CCDC171: variants seen among roughly 807,000 people sequenced by gnomAD.
The protein encoded by CCDC171 is coiled-coil domain-containing protein 171.
In CCDC171, 177 loss-of-function variants were observed where a neutral mutation model predicts 168.2. The ratio of observed to expected loss-of-function variants is 1.05; its 90% CI spans 0.93 to 1.19. The LOEUF is 1.19. Ranked by LOEUF, CCDC171 falls within the 50% of genes most tolerant of loss-of-function variation. CCDC171 has a pLI of 0.00. For missense variants in CCDC171, 1,991 were observed against 1,539.0 expected (o/e 1.29, Z -4.91); for synonymous variants, 687 against 540.8 (o/e 1.27, Z -3.75).
At chr9:15,831,872 G>A (rs2060248052) in intron 21 of CCDC171, among the ~76,000 whole-genome samples, 1 of 151,266 alleles carries the variant, frequency 6.6e-6, no homozygotes, top group African/African-American at 2.5e-5. Flanking sequence ...ATATCAATGT[G>A]TATGACCTTT....
At chr9:15,591,692 T>C (rs1339218998) in intron 5 of CCDC171, 136 bp downstream of exon 5, 1 of 592,698 alleles carries the variant, frequency 1.7e-6, no homozygotes, top group East Asian at 3.1e-5. Context: ...TTTTTTCTTT[T>C]TTAGGGGCAT....
intron 7 of CCDC171, among the ~76,000 whole-genome samples, chr9:15,644,448 G>C (rs138340119): frequency 1.3e-5 from 2 of 152,098 alleles, no homozygotes; most frequent in Admixed American, 6.5e-5. Context: ...GTGAGGCATC[G>C]TCTCACCCGG....
chr9:16,106,804 T>C, the CCDC171 span, among the ~76,000 whole-genome samples: 8 of 152,288 alleles, frequency 5.3e-5, no homozygotes, highest in East Asian at 1.5e-3. Flanking sequence ...CTGAGGCTTT[T>C]TGGGATTAGG....
chr9:15,583,896 C>G (rs576860393), intron 4 of CCDC171, among the ~76,000 whole-genome samples: 1 of 152,050 alleles, frequency 6.6e-6, no homozygotes, highest in Admixed American at 6.6e-5. Flanking sequence ...GAGATGGAGT[C>G]TCCCTCTTTC....
intron 1 of CCDC171, among the ~76,000 whole-genome samples, chr9:16,057,663 C>G (rs879261774): frequency 6.6e-6 from 1 of 152,194 alleles, no homozygotes; most frequent in Non-Finnish European, 1.5e-5. Flanking sequence ...TCCCCAGCCC[C>G]AAAGCCCCCT....
the CCDC171 span, among the ~76,000 whole-genome samples, chr9:16,086,012 T>C: frequency 1.4e-5 from 2 of 141,538 alleles, no homozygotes; most frequent in Admixed American, 7.0e-5. Context: ...TCTTTTTCTG[T>C]TGTTTGGAAT....
At chr9:15,847,381 G>A (rs1563862106) in intron 22 of CCDC171, among the ~76,000 whole-genome samples, 1 of 151,978 alleles carries the variant, frequency 6.6e-6, no homozygotes, top group Non-Finnish European at 1.5e-5. Flanking sequence ...AATATTTTAA[G>A]TAGAAAAATA....
At chr9:15,912,822 T>G (rs1823904674) in intron 24 of CCDC171, among the ~76,000 whole-genome samples, 1 of 152,206 alleles carries the variant, frequency 6.6e-6, no homozygotes, top group African/African-American at 2.4e-5. Flanking sequence ...TTGGTTTTGT[T>G]TATGTGATGG....
At chr9:16,023,432 G>C (rs1303490341) in intron 6 of CCDC171, among the ~76,000 whole-genome samples, 1 of 152,102 alleles carries the variant, frequency 6.6e-6, no homozygotes, top group Admixed American at 6.5e-5. Flanking sequence ...TGTTAGTAGA[G>C]CAAAATGATT....
intron 7 of CCDC171, among the ~76,000 whole-genome samples, chr9:15,648,387 GT>G (rs2047219813): frequency 6.6e-6 from 1 of 152,192 alleles, no homozygotes. Flanking sequence ...AGTGTTGGAA[GT>G]TCTGGCCAGG....
At chr9:15,591,313 C>T in intron 4 of CCDC171, 53 bp from the exon 5 acceptor site, 2 of 1,151,750 alleles carry the variant, frequency 1.7e-6, no homozygotes, top group Non-Finnish European at 2.5e-6. Flanking sequence ...TTTTGGGGCT[C>T]CTTGTTATTT....
intron 11 of CCDC171, among the ~76,000 whole-genome samples, chr9:15,699,766 C>T (rs1258278598): frequency 6.6e-6 from 1 of 152,050 alleles, no homozygotes; most frequent in African/African-American, 2.4e-5. Flanking sequence ...AATCCCTGAG[C>T]TAGACATAAA....
At chr9:15,559,148 T>C (rs2039060145) in intron 1 of CCDC171, among the ~76,000 whole-genome samples, 1 of 152,146 alleles carries the variant, frequency 6.6e-6, no homozygotes, top group Non-Finnish European at 1.5e-5. Flanking sequence ...GTGCTTTACT[T>C]CCAACTATGT....
intron 4 of CCDC171, chr9:15,587,474 TC>T: frequency 2.8e-6 from 1 of 359,022 alleles, no homozygotes; most frequent in Non-Finnish European, 5.6e-6. Flanking sequence ...TTGTGAGGCT[TC>T]CCCAGCCATG....
At chr9:15,660,781 G>C (rs930898465) in intron 8 of CCDC171, among the ~76,000 whole-genome samples, 2 of 152,176 alleles carry the variant, frequency 1.3e-5, no homozygotes, top group African/African-American at 4.8e-5. Flanking sequence ...GTGCTGTGAT[G>C]AACATAAAAG....
In CCDC171 at chr9:15,744,311, G is replaced by A. The variant is rs745582275; in HGVS notation, c.2088G>A (p.Leu696=). 1 of 1,589,518 alleles carries A rather than the reference G, an allele frequency of 6.3e-7. No homozygotes were observed. The highest frequency in any genetic ancestry group is 1.9e-5 in the Admixed American group (1 of 53,294). ...QEIAEKNMEK[L]NHIEKSHEQL... ...TTGCTGAAAAAAACATGGAAAAATTGAACCATATTGAGAAGTCACATGAAC... is the reference window on the plus strand; with the variant it reads ...TTGCTGAAAAAAACATGGAAAAATTAAACCATATTGAGAAGTCACATGAAC... The change falls in exon 17 of 26, where the codon TTG becomes TTA. Residue 696 remains leucine (L), a synonymous_variant. Transcript: ENST00000380701.
At chr9:15,785,826 T>A (rs1254955213) in intron 21 of CCDC171, among the ~76,000 whole-genome samples, 2 of 152,070 alleles carry the variant, frequency 1.3e-5, no homozygotes, top group Admixed American at 6.6e-5. Flanking sequence ...TGTGTTACTG[T>A]CTCTACATGA....
chr9:16,055,570 A>C (rs1261316497), intron 1 of CCDC171, among the ~76,000 whole-genome samples: 1 of 152,208 alleles, frequency 6.6e-6, no homozygotes, highest in Non-Finnish European at 1.5e-5. Context: ...TGTGAGGCTC[A>C]TAGTATATTG....
rs536344964 is a variant in CCDC171 at position 15,558,775 on chromosome 9, C to T, written c.-111-5203C>T. On this transcript the variant is annotated intron_variant, in intron 1 of 25. Coordinates refer to ENST00000380701, the MANE Select transcript of CCDC171 (RefSeq NM_173550.4). ...TTAGTTATTTCTTGCCTTCTGCTAG[C>T]TTTTGAATGTGTTTGCTGTTGCTTC... is the stretch of plus-strand genomic sequence containing the variant. Among the ~76,000 whole-genome samples the T allele has an allele frequency of 1.7e-3, 263 of 152,166 alleles. 2 individuals carry two copies. The highest frequency in any genetic ancestry group is 0.013 in the Admixed American group (200 of 15,290).
Sources: allele counts gnomAD v4.1 joint callset (sites outside exome capture counted in the v4.1 genomes callset), GRCh38; gene constraint gnomAD v4.1.1; transcripts MANE v1.5; gene names NCBI Gene and HGNC (gene_info 2026-07-23, HGNC 2026-07-21).